Variants in GPC1 observed in about 807,000 individuals in gnomAD.
GPC1 encodes the protein glypican 1.
Under a neutral mutation model 51.5 loss-of-function variants are expected in GPC1, and 26 were observed. The ratio of observed to expected loss-of-function variants is 0.50; its 90% CI spans 0.37 to 0.70. GPC1 has a LOEUF of 0.70. GPC1 is among the 30% of genes least tolerant of loss of function. The pLI is 0.00. For synonymous variants in GPC1, 380 were observed against 348.3 expected (o/e 1.09, Z -1.01); for missense variants, 775 against 800.5 (o/e 0.97, Z 0.38).
chr2:240,448,643 G>T lies in GPC1; in HGVS notation c.167-10387G>T, dbSNP rs2074069415. On this transcript the variant is annotated intron_variant, in intron 1 of 8. Coordinates refer to ENST00000264039, the MANE Select transcript of GPC1 (RefSeq NM_002081.3). This position sits in a 1 kb window ranked among gnomAD's most constrained non-coding sequence, Gnocchi z 4.5. ...CGAGGTCGGAGCTCACCTTTGGGGA[G>T]GCGATCAGGCAGGCACATGACAGGA... Among the ~76,000 whole-genome samples the T allele has an allele frequency of 6.6e-6, 1 of 152,122 alleles. No homozygotes were observed. The highest frequency in any genetic ancestry group is 2.1e-4 in the South Asian group (1 of 4,832).
intron 2 of GPC1, among the ~76,000 whole-genome samples, 161 bp from the exon 3 acceptor site, chr2:240,462,030 G>A (rs2074220215): frequency 6.6e-6 from 1 of 152,040 alleles, no homozygotes; most frequent in South Asian, 2.1e-4. Context: ...GGCGCCCCAT[G>A]GATGCCCACA....
chr2:240,449,914 G>A, intron 1 of GPC1: 1 of 470,460 alleles, frequency 2.1e-6, no homozygotes, highest in Non-Finnish European at 4.4e-6. Flanking sequence ...CTATTCCATT[G>A]TATGCACCTA....
At chr2:240,446,151 G>A (rs531018046) in intron 1 of GPC1, among the ~76,000 whole-genome samples, 14 of 152,366 alleles carry the variant, frequency 9.2e-5, no homozygotes, top group South Asian at 6.2e-4. Context: ...GTGTGTCTGC[G>A]CCCAGGAGGG....
chr2:240,442,572 T>G (rs1382393360), intron 1 of GPC1: 1 of 152,322 alleles, frequency 6.6e-6, no homozygotes, highest in African/African-American at 2.4e-5. Context: ...GAATTCCCCC[T>G]CTTCACAAGG....
chr2:240,449,688 C>G, intron 1 of GPC1: 1 of 367,078 alleles, frequency 2.7e-6, no homozygotes, highest in South Asian at 2.1e-5. Context: ...GAAACTCTGT[C>G]CCCATTAAAC....
Position 240,436,341 on chromosome 2 carries a change from C to G in GPC1, c.166+257C>G, listed in dbSNP as rs1307911916. Among the ~76,000 whole-genome samples the G allele has an allele frequency of 2.6e-5, 4 of 152,122 alleles. No homozygotes were observed. In the East Asian group the frequency reaches 7.7e-4, roughly 29 times the overall value. ...CCTCCGCCCCTCCCCGCCCCCCGCA[C>G]GCCGGCTTCTTCCCTGCGGAGCTGA... On this transcript the variant is annotated intron_variant, in intron 1 of 8. Coordinates refer to ENST00000264039, the MANE Select transcript of GPC1 (RefSeq NM_002081.3).
chr2:240,437,201 A>G (rs1042683621), intron 1 of GPC1, among the ~76,000 whole-genome samples: 12 of 152,096 alleles, frequency 7.9e-5, no homozygotes, highest in Non-Finnish European at 1.5e-5. Flanking sequence ...GATTCTGAGC[A>G]AGAAGGATCC....
At chr2:240,442,859 C>T (rs1471106618) in intron 1 of GPC1, among the ~76,000 whole-genome samples, 1 of 152,248 alleles carries the variant, frequency 6.6e-6, no homozygotes, top group African/African-American at 2.4e-5. Flanking sequence ...TAGAGCTCAG[C>T]ACAGATGTGC....
At chr2:240,451,120 C>G (rs911991982) in intron 1 of GPC1, 1 of 471,100 alleles carries the variant, frequency 2.1e-6, no homozygotes, top group Non-Finnish European at 4.4e-6. Context: ...GCTCCCTCCC[C>G]TTCTGTTCCT....
rs763354601 is a variant in GPC1 at position 240,459,237 on chromosome 2, G to A, written c.325+49G>A. On this transcript the variant is annotated intron_variant, in intron 2 of 8. Transcript: ENST00000264039. ...GGGGCCCGCAGGGTGCCGGTGCATC[G>A]GGGGAGGGGCACACTGGGCCTTGCC... 3.0e-5 allele frequency: 47 copies of A among 1,554,450 alleles called. No individual in the cohort carries two copies. In the Admixed American group the frequency reaches 3.2e-4, roughly 10 times the overall value.
rs933640135 is a variant in GPC1 at position 240,435,741 on chromosome 2, GCGCCGC to G, written c.-166_-161del. ...TCGGACCTCGCACCCCGCGCGCCCCGCGCCGCCGCCGCCGCCGGCTTTTGTTGTCTC... is the reference window on the plus strand; with the variant it reads ...TCGGACCTCGCACCCCGCGCGCCCCGCGCCGCCGCCGGCTTTTGTTGTCTC... On this transcript the variant is annotated 5_prime_UTR_variant, in exon 1 of 9. Coordinates refer to ENST00000264039, the MANE Select transcript of GPC1 (RefSeq NM_002081.3). 2 of 298,678 alleles carry G rather than the reference GCGCCGC, an allele frequency of 6.7e-6. No individual in the cohort carries two copies. The highest frequency in any genetic ancestry group is 1.2e-5 in the Non-Finnish European group (2 of 171,262). The allele number at this position is 298,678 out of a possible 1,614,324, so 18.5% of individuals were successfully genotyped here. A position where few individuals can be genotyped will look rare whatever the true frequency, so the allele number is the denominator to read the frequency against.
Position 240,448,261 on chromosome 2 carries a change from C to T in GPC1, c.167-10769C>T, listed in dbSNP as rs2074065883. Among the ~76,000 whole-genome samples the T allele has an allele frequency of 6.6e-6, 1 of 152,130 alleles. No individual in the cohort carries two copies. Among genetic ancestry groups the T allele is most frequent in the Non-Finnish European group, 1.5e-5 (1 of 67,996 alleles). On this transcript the variant is annotated intron_variant, in intron 1 of 8. Transcript: ENST00000264039. The surrounding 1 kb of genome is among the most constrained non-coding windows in gnomAD (Gnocchi z 4.5). Reference sequence around the variant, plus strand: ...TACGGGATGGGGCTGGTTCGTTCCCCCAGGCTGTCTGCCTCCTGGATCTCA... The same window carrying T: ...TACGGGATGGGGCTGGTTCGTTCCCTCAGGCTGTCTGCCTCCTGGATCTCA...
At chr2:240,452,282 G>A (rs539036414) in intron 1 of GPC1, 1 of 152,866 alleles carries the variant, frequency 6.5e-6, no homozygotes, top group African/African-American at 2.4e-5. Context: ...TGGCCTGTTG[G>A]GTTTGGTATG....
At chr2:240,452,676 G>T (rs980329926) in intron 1 of GPC1, 104 of 151,950 alleles carry the variant, frequency 6.8e-4, no homozygotes, top group African/African-American at 2.4e-3. Flanking sequence ...GGCGCAGGGC[G>T]GCGGGGACCT....
intron 1 of GPC1, among the ~76,000 whole-genome samples, chr2:240,438,909 T>G (rs2074000906): frequency 6.6e-6 from 1 of 152,094 alleles, no homozygotes; most frequent in Admixed American, 6.5e-5. Context: ...CACCCTCCCT[T>G]TATGCCAGGG....
chr2:240,445,740 G>C (rs2074045150), intron 1 of GPC1, among the ~76,000 whole-genome samples: 1 of 152,134 alleles, frequency 6.6e-6, no homozygotes, highest in South Asian at 2.1e-4. Context: ...TTCTTACTCG[G>C]AACGATGGTG....
At chr2:240,465,825 G>T (rs578125126) in intron 8 of GPC1, among the ~76,000 whole-genome samples, 177 bp downstream of exon 8, 4 of 152,198 alleles carry the variant, frequency 2.6e-5, no homozygotes, top group Non-Finnish European at 5.9e-5. Context: ...CCTCTGCGGC[G>T]CCCTGGAGGC....
intron 1 of GPC1, among the ~76,000 whole-genome samples, chr2:240,453,612 TCCCCTCGCCTGCCCGCCGCAGC>T (rs1215017663): frequency 4.7e-5 from 2 of 42,494 alleles, no homozygotes; most frequent in Admixed American, 2.8e-4. Flanking sequence ...GGCGCCCCCC[TCCCCTCGCCTGCCCGCCGCAGC>T]CCCCTCTCCC....
At chr2:240,464,585 C>T (rs564814221) in intron 4 of GPC1, 31 bp from the exon 5 acceptor site, 6 of 1,585,648 alleles carry the variant, frequency 3.8e-6, no homozygotes, top group South Asian at 2.2e-5. Context: ...GCGTTAACGC[C>T]TGTGTGTCCG....
Sources: gnomAD v4.1 joint callset for allele counts (sites outside exome capture counted in the v4.1 genomes callset) on GRCh38, gnomAD v4.1.1 for gene constraint, Gnocchi (gnomAD v3.1) non-coding constraint, MANE v1.5 for transcripts, NCBI Gene and HGNC (gene_info 2026-07-23, HGNC 2026-07-21) for gene names.